IL4R: variants seen among roughly 807,000 people sequenced by gnomAD.
IL4R encodes interleukin-4 receptor subunit alpha.
Under a neutral mutation model 41.5 loss-of-function variants are expected in IL4R, and 17 were observed. The observed-to-expected ratio is 0.41, with a 90% CI of 0.28 to 0.61. The LOEUF (loss-of-function observed/expected upper bound fraction) is 0.61, where lower values mean the gene tolerates loss of function less well. IL4R is among the 20% of genes least tolerant of loss of function. The pLI is 0.31. For synonymous variants in IL4R, 402 were observed against 422.9 expected, an observed-to-expected ratio of 0.95 and a Z score of 0.61; for missense variants, 974 against 1,043.1, an observed-to-expected ratio of 0.93 and a Z score of 0.91.
intron 9 of IL4R, 35 bp downstream of exon 9, chr16:27,359,029 G>T (rs1215377624): frequency 2.0e-6 from 3 of 1,512,834 alleles, no homozygotes; most frequent in South Asian, 2.3e-5. Context: ...ATGTGGGACT[G>T]TGTACATGAA....
At chr16:27,341,938 A>G (rs35121995) in intron 3 of IL4R, 183 bp from the exon 4 acceptor site, 142 of 595,954 alleles carry the variant, frequency 2.4e-4, no homozygotes, top group East Asian at 2.1e-3. Flanking sequence ...CAGCTTCCAC[A>G]GTCATCCCGA....
intron 1 of IL4R, among the ~76,000 whole-genome samples, chr16:27,325,215 C>A (rs1363504981): frequency 6.6e-6 from 1 of 151,382 alleles, no homozygotes. Flanking sequence ...CGTGCCCTCC[C>A]TCCTGCCTGC....
intron 4 of IL4R, among the ~76,000 whole-genome samples, 154 bp downstream of exon 4, chr16:27,342,413 G>GGACAT (rs2085473187): frequency 6.6e-6 from 1 of 152,068 alleles, no homozygotes; most frequent in African/African-American, 2.4e-5. Flanking sequence ...CCATCTCCAG[G>GGACAT]GACATGTTAT....
rs2141153286 is a variant in IL4R at position 27,346,473 on chromosome 16, C to T, written c.368C>T (p.Pro123Leu). The T allele has an allele frequency of 6.2e-7, 1 of 1,614,104 alleles. No individual in the cohort carries two copies. The highest frequency in any genetic ancestry group is 8.5e-7 in the Non-Finnish European group (1 of 1,180,020). The change falls in exon 6 of 11, where the codon CCC becomes CTC. Residue 123 changes from proline to leucine, a missense_variant. Pro to Leu is a moderately conservative substitution (Grantham distance 98, BLOSUM62 -3). Coordinates refer to ENST00000395762, the MANE Select transcript of IL4R (RefSeq NM_000418.4). ...GSFKPSEHVK[P>L]RAPGNLTVHT... ...GAGGCCGCTTCTCCCGCAGTGAAACCCAGGGCCCCAGGAAACCTGACAGTT... is the reference window on the plus strand; with the variant it reads ...GAGGCCGCTTCTCCCGCAGTGAAACTCAGGGCCCCAGGAAACCTGACAGTT...
At position 27,360,734 on chromosome 16, in the gene IL4R, CTGCTCTTTCATTGGCTG is replaced by C; in HGVS notation, c.850-30_850-14del. On this transcript the variant is annotated splice_polypyrimidine_tract_variant and intron_variant, in intron 9 of 10. Transcript: ENST00000395762. Reference sequence around the variant, plus strand: ...CTCCAGGCCGGGCTGCAAGGCCACTCTGCTCTTTCATTGGCTGTCTCTGTATTTTAGGGGTCACAGTG... The same window carrying C: ...CTCCAGGCCGGGCTGCAAGGCCACTCTCTCTGTATTTTAGGGGTCACAGTG... 1 of 1,613,996 alleles carries C rather than the reference CTGCTCTTTCATTGGCTG, an allele frequency of 6.2e-7. No homozygotes were observed. Among genetic ancestry groups the C allele is most frequent in the Non-Finnish European group, 8.5e-7 (1 of 1,180,018 alleles).
chr16:27,330,935 G>A (rs1205775018), intron 2 of IL4R, among the ~76,000 whole-genome samples: 1 of 152,062 alleles, frequency 6.6e-6, no homozygotes, highest in Admixed American at 6.6e-5. Flanking sequence ...GAGCCAGGGG[G>A]CATTGGATGT....
At chr16:27,332,383 GA>G (rs2085135849) in intron 2 of IL4R, among the ~76,000 whole-genome samples, 2 of 152,092 alleles carry the variant, frequency 1.3e-5, no homozygotes, top group South Asian at 4.2e-4. Context: ...GATCTCAGGA[GA>G]ACTCACTCAC....
chr16:27,360,791 G>C lies in IL4R; in HGVS notation c.875G>C (p.Arg292Pro). ...GGGTCACAGTGGGAGAAGCGGTCCC[G>C]AGGCCAGGAACCAGCCAAGTGCCCG... Reference protein sequence around the residue: ...AQGSQWEKRSRGQEPAKCPHW... With the variant: ...AQGSQWEKRSPGQEPAKCPHW... Residue 292 changes from arginine to proline, a missense_variant, in exon 10 of 11, where the codon CGA (arginine) becomes CCA (proline). Physicochemically the swap from Arg to Pro is moderately radical, Grantham distance 103. Transcript: ENST00000395762. 6.2e-7 allele frequency: 1 copy of C among 1,614,130 alleles called. No homozygotes were observed. Among genetic ancestry groups the C allele is most frequent in the Non-Finnish European group, 8.5e-7 (1 of 1,180,028 alleles).
At chr16:27,348,449 C>T (rs1344175228) in intron 6 of IL4R, among the ~76,000 whole-genome samples, 2 of 152,196 alleles carry the variant, frequency 1.3e-5, no homozygotes, top group Non-Finnish European at 2.9e-5. Flanking sequence ...TCTAGATCTG[C>T]CTTCAGGCAT....
chr16:27,329,493 T>C (rs965922921), intron 1 of IL4R, among the ~76,000 whole-genome samples: 1 of 151,888 alleles, frequency 6.6e-6, no homozygotes, highest in Non-Finnish European at 1.5e-5. Context: ...CTGGCCAACA[T>C]GGGGAAACCC....
chr16:27,343,680 A>G (rs3024551), intron 4 of IL4R, among the ~76,000 whole-genome samples: 5,831 of 152,198 alleles, frequency 0.038, 345 homozygotes, highest in African/African-American at 0.13. Context: ...CACCCGCCTC[A>G]GCGTCCCAAA....
chr16:27,317,244 T>C (rs1436711638), intron 1 of IL4R, among the ~76,000 whole-genome samples: 1 of 152,194 alleles, frequency 6.6e-6, no homozygotes, highest in Non-Finnish European at 1.5e-5. Flanking sequence ...TTGAGCTTTA[T>C]TGGTTGGGAT....
chr16:27,333,460 G>A (rs559326462), intron 2 of IL4R, among the ~76,000 whole-genome samples: 30 of 152,166 alleles, frequency 2.0e-4, no homozygotes, highest in East Asian at 1.4e-3. Flanking sequence ...GCAAACAAAC[G>A]TGGGTTCTGA....
chr16:27,353,384 G>T (rs2141183767), intron 7 of IL4R, among the ~76,000 whole-genome samples: 1 of 152,280 alleles, frequency 6.6e-6, no homozygotes, highest in Middle Eastern at 3.4e-3. Context: ...GAAACTAATT[G>T]TATTGAAATG....
intron 6 of IL4R, 90 bp from the exon 7 acceptor site, chr16:27,352,450 T>C: frequency 9.4e-7 from 1 of 1,063,344 alleles, no homozygotes; most frequent in Non-Finnish European, 1.4e-6. Context: ...CTCTTAAACA[T>C]GGTGGGGTCA....
At chr16:27,314,159 ACT>A in intron 1 of IL4R, 139 bp downstream of exon 1, 2 of 949,786 alleles carry the variant, frequency 2.1e-6, no homozygotes, top group Non-Finnish European at 2.5e-6. Flanking sequence ...CGAGCCCGCG[ACT>A]CTCGGTGCGC....
Position 27,314,194 on chromosome 16 carries a change from C to T in IL4R, c.-152+174C>T, listed in dbSNP as rs7186051. The stretch of plus-strand genomic sequence containing the variant: ...CGCGCGGAGCAGCGCCCGGTTCCGT[C>T]CTTGCCGCCGAACGGCAGCGGAGGC... On this transcript the variant is annotated intron_variant, in intron 1 of 10. Coordinates refer to ENST00000395762, the MANE Select transcript of IL4R (RefSeq NM_000418.4). 3.0e-3 allele frequency: 2,509 copies of T among 836,662 alleles called. 59 individuals are homozygous for T. In the African/African-American group the frequency reaches 0.042, roughly 14 times the overall value. 51.8% of individuals were successfully genotyped at this position (836,662 alleles called of 1,614,324 possible).
At chr16:27,314,120 C>T (rs1283558607) in intron 1 of IL4R, 100 bp downstream of exon 1, 2 of 982,582 alleles carry the variant, frequency 2.0e-6, no homozygotes, top group Non-Finnish European at 2.4e-6. Context: ...GCGGGGACCA[C>T]GGGGACCACC....
intron 6 of IL4R, among the ~76,000 whole-genome samples, chr16:27,350,603 C>T (rs892924489): frequency 1.3e-5 from 2 of 152,000 alleles, no homozygotes; most frequent in South Asian, 2.1e-4. Context: ...CCCTGGATCT[C>T]GCAGGGAGAG....
Sources: gnomAD v4.1 joint callset for allele counts (sites outside exome capture counted in the v4.1 genomes callset) on GRCh38, gnomAD v4.1.1 for gene constraint, MANE v1.5 for transcripts, NCBI Gene and HGNC (gene_info 2026-07-23, HGNC 2026-07-21) for gene names.